The following ZHX3 variants were observed in gnomAD, a reference collection of about 807,000 sequenced individuals.
ZHX3 encodes the protein zinc fingers and homeoboxes protein 3.
A neutral mutation model predicts 64.5 loss-of-function variants in ZHX3; 20 were observed. That is an observed-to-expected ratio of 0.31 (90% CI 0.22 to 0.45). ZHX3 has a LOEUF of 0.45. ZHX3 is among the 20% of genes least tolerant of loss of function. ZHX3 has a pLI of 1.00. For missense variants in ZHX3, 1,041 were observed against 1,195.8 expected (o/e 0.87, Z 1.91); for synonymous variants, 423 against 461.6 (o/e 0.92, Z 1.07).
At chr20:41,299,324 CAT>C (rs2044697678) in intron 1 of ZHX3, among the ~76,000 whole-genome samples, 3 of 152,140 alleles carry the variant, frequency 2.0e-5, no homozygotes. Flanking sequence ...TAATCTGTCA[CAT>C]GATTTTGAGT....
At chr20:41,313,809 G>C (rs2045213810) in intron 1 of ZHX3, among the ~76,000 whole-genome samples, 1 of 152,058 alleles carries the variant, frequency 6.6e-6, no homozygotes. Flanking sequence ...TGTTAGCCAG[G>C]ATGGTCTCGA....
intron 2 of ZHX3, among the ~76,000 whole-genome samples, chr20:41,206,311 T>G (rs1007090715): frequency 4.6e-5 from 7 of 152,066 alleles, no homozygotes; most frequent in African/African-American, 1.7e-4. Context: ...CTTTGATGAG[T>G]TGAGAGAAGA....
At chr20:41,282,211 T>A (rs2043710493) in intron 1 of ZHX3, among the ~76,000 whole-genome samples, 1 of 152,196 alleles carries the variant, frequency 6.6e-6, no homozygotes, top group Non-Finnish European at 1.5e-5. Flanking sequence ...TCATTTAAAT[T>A]CTAGATCCTG....
chr20:41,223,914 T>C (rs1054697152), intron 2 of ZHX3, among the ~76,000 whole-genome samples: 36 of 152,198 alleles, frequency 2.4e-4, no homozygotes, highest in Non-Finnish European at 5.9e-5. Context: ...AAACTTCTAA[T>C]AGCTACAGAT....
chr20:41,241,223 A>T lies in ZHX3; in HGVS notation c.-151+27767T>A, dbSNP rs150807406. 4.1e-3 allele frequency among the ~76,000 whole-genome samples: 618 copies of T among 152,240 alleles called. 3 individuals carry two copies. The highest frequency in any genetic ancestry group is 0.015 in the South Asian group (73 of 4,808). On this transcript the variant is annotated intron_variant, in intron 2 of 3. Coordinates refer to ENST00000683867, the MANE Select transcript of ZHX3 (RefSeq NM_001384317.1). ...AGGTCATTTTAACTGGGGTGAGGTG[A>T]TATGTCCTTGTAGTTTTGATTTGCA...
At chr20:41,271,221 A>G (rs2146630530) in intron 1 of ZHX3, among the ~76,000 whole-genome samples, 1 of 152,228 alleles carries the variant, frequency 6.6e-6, no homozygotes, top group East Asian at 1.9e-4. Context: ...GGGTTTCACC[A>G]TGTTGGCCAG....
intron 1 of ZHX3, among the ~76,000 whole-genome samples, chr20:41,284,615 C>T (rs2043845675): frequency 6.6e-6 from 1 of 152,206 alleles, no homozygotes; most frequent in Non-Finnish European, 1.5e-5. Flanking sequence ...TAGCCTTTCT[C>T]ATCAAGACCC....
intron 1 of ZHX3, among the ~76,000 whole-genome samples, chr20:41,289,563 C>T (rs1038679048): frequency 6.6e-6 from 1 of 152,148 alleles, no homozygotes; most frequent in Non-Finnish European, 1.5e-5. Context: ...ACGAAGGCAT[C>T]TGTCTTCCTT....
At chr20:41,247,257 G>A (rs1477074308) in intron 2 of ZHX3, among the ~76,000 whole-genome samples, 1 of 152,170 alleles carries the variant, frequency 6.6e-6, no homozygotes, top group Non-Finnish European at 1.5e-5. Flanking sequence ...GACAGAGGGA[G>A]AACCTGTTTC....
chr20:41,185,012 G>A lies in ZHX3; in HGVS notation c.*179C>T. On this transcript the variant is annotated 3_prime_UTR_variant, in exon 4 of 4. Coordinates refer to ENST00000683867, the MANE Select transcript of ZHX3 (RefSeq NM_001384317.1). This position sits in a 1 kb window ranked among gnomAD's most constrained non-coding sequence, Gnocchi z 5.0. ...CATCTTGCTTGCTGCTTGCTTGGTG[G>A]TGGGCAGGCCGAGGGTAGCGGCAGG... is the stretch of plus-strand genomic sequence containing the variant. The A allele has an allele frequency of 6.4e-7, 1 of 1,551,362 alleles. No homozygotes were observed. Among genetic ancestry groups the A allele is most frequent in the Non-Finnish European group, 8.7e-7 (1 of 1,147,012 alleles).
chr20:41,290,760 G>A (rs1208234519), intron 1 of ZHX3, among the ~76,000 whole-genome samples: 1 of 152,194 alleles, frequency 6.6e-6, no homozygotes, highest in Non-Finnish European at 1.5e-5. Context: ...TGGCTACGAT[G>A]GCAGAGCCAG....
At chr20:41,233,847 A>G (rs2040783576) in intron 2 of ZHX3, among the ~76,000 whole-genome samples, 1 of 152,242 alleles carries the variant, frequency 6.6e-6, no homozygotes, top group African/African-American at 2.4e-5. Flanking sequence ...TCCTAGGCAT[A>G]AAGTCCCAAG....
chr20:41,288,138 C>T (rs1479208213), intron 1 of ZHX3, among the ~76,000 whole-genome samples: 1 of 152,130 alleles, frequency 6.6e-6, no homozygotes, highest in African/African-American at 2.4e-5. Context: ...GCGATCCTCC[C>T]CACTTTAGCC....
chr20:41,239,361 G>A (rs2041233735), intron 2 of ZHX3, among the ~76,000 whole-genome samples: 2 of 152,086 alleles, frequency 1.3e-5, no homozygotes, highest in African/African-American at 4.8e-5. Flanking sequence ...CCTAGGGGTA[G>A]CTTCCCTCGT....
intron 2 of ZHX3, among the ~76,000 whole-genome samples, chr20:41,259,060 C>CT (rs2042422517): frequency 6.6e-6 from 1 of 152,130 alleles, no homozygotes; most frequent in African/African-American, 2.4e-5. Context: ...ATAACCCCAC[C>CT]TTCAGAGATT....
chr20:41,281,058 A>T (rs1600615815), intron 1 of ZHX3, among the ~76,000 whole-genome samples: 1 of 152,212 alleles, frequency 6.6e-6, no homozygotes, highest in Admixed American at 6.5e-5. Flanking sequence ...TTAAATTACA[A>T]AATAAAGTTG....
intron 2 of ZHX3, among the ~76,000 whole-genome samples, chr20:41,249,592 G>A (rs1419221963): frequency 6.6e-6 from 1 of 152,170 alleles, no homozygotes; most frequent in African/African-American, 2.4e-5. Flanking sequence ...CAGATATCAA[G>A]GTCGTTGGGA....
chr20:41,249,802 C>G (rs2041899647), intron 2 of ZHX3, among the ~76,000 whole-genome samples: 1 of 152,138 alleles, frequency 6.6e-6, no homozygotes, highest in Non-Finnish European at 1.5e-5. Context: ...AAGGAGAAGT[C>G]TGAAAGAAAA....
Position 41,208,069 on chromosome 20 carries a change from C to T in ZHX3, c.-150-3003G>A, listed in dbSNP as rs533251074. ...TTAGAGAATACTATAAATACCTCTACGCAAATAAACTAGAAAATCTAGAAG... is the reference window on the plus strand; with the variant it reads ...TTAGAGAATACTATAAATACCTCTATGCAAATAAACTAGAAAATCTAGAAG... On this transcript the variant is annotated intron_variant, in intron 2 of 3. Coordinates refer to ENST00000683867, the MANE Select transcript of ZHX3 (RefSeq NM_001384317.1). 7.2e-4 allele frequency among the ~76,000 whole-genome samples: 110 copies of T among 152,236 alleles called. 1 individual carries two copies. Among genetic ancestry groups the T allele is most frequent in the African/African-American group, 2.6e-3 (107 of 41,546 alleles).
Sources: allele counts gnomAD v4.1 joint callset (sites outside exome capture counted in the v4.1 genomes callset), GRCh38; gene constraint gnomAD v4.1.1; non-coding constraint Gnocchi (gnomAD v3.1); transcripts MANE v1.5; gene names NCBI Gene and HGNC (gene_info 2026-07-23, HGNC 2026-07-21).